Variants in INPP5F observed in about 807,000 individuals in gnomAD.
INPP5F encodes inositol polyphosphate-5-phosphatase F, also known as phosphatidylinositide 4-phosphatase SAC2.
A neutral mutation model predicts 137.2 loss-of-function variants in INPP5F; 97 were observed. That is an observed-to-expected ratio of 0.71 (90% CI 0.60 to 0.84). The LOEUF (loss-of-function observed/expected upper bound fraction) is 0.84, where lower values mean the gene tolerates loss of function less well. Ranked by LOEUF, INPP5F falls within the 40% of genes least tolerant of loss-of-function variation. The pLI is 0.00. For synonymous variants in INPP5F, 504 were observed against 476.9 expected (o/e 1.06, Z -0.74); for missense variants, 1,271 against 1,371.9 (o/e 0.93, Z 1.16).
chr10:119,818,347 G>A (rs1484464939), intron 15 of INPP5F, among the ~76,000 whole-genome samples: 1 of 152,266 alleles, frequency 6.6e-6, no homozygotes, highest in East Asian at 1.9e-4. Flanking sequence ...GCTTCCGTGC[G>A]CTCAGGTCGC....
chr10:119,747,429 T>G (rs1848568440), intron 1 of INPP5F, among the ~76,000 whole-genome samples: 1 of 152,174 alleles, frequency 6.6e-6, no homozygotes, highest in Non-Finnish European at 1.5e-5. Context: ...TTTACCATGT[T>G]GGCCAGGCTG....
intron 3 of INPP5F, among the ~76,000 whole-genome samples, chr10:119,786,577 G>T (rs1273784500): frequency 2.0e-5 from 3 of 152,148 alleles, no homozygotes; most frequent in Non-Finnish European, 4.4e-5. Context: ...TTGAGACAGG[G>T]TCTTGCTCTG....
At chr10:119,728,874 A>G (rs1847967126) in intron 1 of INPP5F, among the ~76,000 whole-genome samples, 1 of 152,104 alleles carries the variant, frequency 6.6e-6, no homozygotes. Flanking sequence ...GGACACTTCA[A>G]TTCTAACCCT....
At chr10:119,775,109 T>C (rs1164455065) in intron 2 of INPP5F, among the ~76,000 whole-genome samples, 1 of 152,070 alleles carries the variant, frequency 6.6e-6, no homozygotes, top group Non-Finnish European at 1.5e-5. Flanking sequence ...TGATGATAGG[T>C]GGTTGGAATT....
intron 3 of INPP5F, 29 bp downstream of exon 3, chr10:119,781,800 A>G (rs757167726): frequency 6.4e-7 from 1 of 1,550,846 alleles, no homozygotes. Flanking sequence ...AATTATATGG[A>G]AACCTGATAT....
At chr10:119,735,718 T>C (rs765786403) in intron 1 of INPP5F, among the ~76,000 whole-genome samples, 1 of 152,238 alleles carries the variant, frequency 6.6e-6, no homozygotes, top group Non-Finnish European at 1.5e-5. Context: ...TCTGTGTAGC[T>C]GTGTCATTTA....
At position 119,808,052 on chromosome 10, in the gene INPP5F, G is replaced by A. The variant is rs1161305892; in HGVS notation, c.1561G>A (p.Ala521Thr). Residue 521 changes from alanine to threonine, a missense_variant, in exon 13 of 20, where the codon GCT (alanine) becomes ACT (threonine). Physicochemically the swap from Ala to Thr is moderately conservative, Grantham distance 58. Coordinates refer to ENST00000650623, the MANE Select transcript of INPP5F (RefSeq NM_014937.4). The stretch of plus-strand genomic sequence containing the variant: ...TAGCAGACAGTATGCTGGGACAGCT[G>A]CTCTGAAGGTAAATACTTGCAGGAA... ...SISRQYAGTA[A>T]LKGDFTRTGE... The A allele has an allele frequency of 6.2e-7, 1 of 1,612,168 alleles. No individual in the cohort carries two copies. Among genetic ancestry groups the A allele is most frequent in the East Asian group, 2.2e-5 (1 of 44,850 alleles).
rs761054191 is a variant in INPP5F at position 119,826,654 on chromosome 10, ACAT to A, written c.2277_2279del (p.Ile760del). 2 of 1,588,904 alleles carry A rather than the reference ACAT, an allele frequency of 1.3e-6. No individual in the cohort carries two copies. Among genetic ancestry groups the A allele is most frequent in the South Asian group, 1.2e-5 (1 of 86,118 alleles). On this transcript the variant is annotated inframe_deletion, in exon 20 of 20. Coordinates refer to ENST00000650623, the MANE Select transcript of INPP5F (RefSeq NM_014937.4). ...AGGAAGAGCAGTAAACCTCACGAAG[ACAT>A]CATTGGTATCAGGTCTCAAAACCAA...
intron 1 of INPP5F, among the ~76,000 whole-genome samples, chr10:119,745,548 A>G (rs1048237484): frequency 1.3e-5 from 2 of 150,938 alleles, no homozygotes; most frequent in Non-Finnish European, 2.9e-5. Context: ...ATCTCTTACA[A>G]TGGACCTTCT....
At chr10:119,824,366 C>T (rs891711881) in intron 19 of INPP5F, among the ~76,000 whole-genome samples, 3 of 152,150 alleles carry the variant, frequency 2.0e-5, no homozygotes, top group African/African-American at 7.2e-5. Context: ...TCTTTCATAA[C>T]TTTGACATTT....
At chr10:119,743,470 G>C (rs1848434968) in intron 1 of INPP5F, among the ~76,000 whole-genome samples, 1 of 152,192 alleles carries the variant, frequency 6.6e-6, no homozygotes, top group Non-Finnish European at 1.5e-5. Context: ...GGGTTTAGGG[G>C]ATCCACACGA....
intron 14 of INPP5F, among the ~76,000 whole-genome samples, chr10:119,810,544 G>T (rs1233335777): frequency 1.3e-5 from 2 of 152,128 alleles, no homozygotes; most frequent in Non-Finnish European, 2.9e-5. Flanking sequence ...TATTCCGTTT[G>T]TTTTCTCATT....
At chr10:119,733,647 C>T (rs914434783) in intron 1 of INPP5F, among the ~76,000 whole-genome samples, 48 of 152,176 alleles carry the variant, frequency 3.2e-4, no homozygotes, top group Non-Finnish European at 1.5e-4. Flanking sequence ...GGTTCCTAGA[C>T]GCTTGTGTTT....
chr10:119,741,726 G>A (rs1385311340), intron 1 of INPP5F, among the ~76,000 whole-genome samples: 1 of 152,014 alleles, frequency 6.6e-6, no homozygotes, highest in Non-Finnish European at 1.5e-5. Flanking sequence ...GTAGAGACAG[G>A]GTTTCACCAT....
chr10:119,807,851 GT>G, intron 12 of INPP5F, 80 bp from the exon 13 acceptor site: 2 of 1,344,040 alleles, frequency 1.5e-6, no homozygotes. Flanking sequence ...ATATGAATAT[GT>G]TTCCTTTTTC....
intron 9 of INPP5F, among the ~76,000 whole-genome samples, chr10:119,803,707 T>G (rs551345724): frequency 8.5e-5 from 13 of 152,350 alleles, no homozygotes; most frequent in Admixed American, 8.5e-4. Context: ...TGGGGGAGAC[T>G]TGAAATCTTT....
At chr10:119,771,799 T>C (rs1849343574) in intron 2 of INPP5F, among the ~76,000 whole-genome samples, 1 of 144,088 alleles carries the variant, frequency 6.9e-6, no homozygotes, top group Admixed American at 7.0e-5. Context: ...TTGCTGAGCT[T>C]AATTATATTT....
chr10:119,753,023 A>T (rs570644952), intron 2 of INPP5F, among the ~76,000 whole-genome samples: 1 of 152,018 alleles, frequency 6.6e-6, no homozygotes, highest in East Asian at 1.9e-4. Context: ...TAGGTTTTTA[A>T]AAAAATTCTT....
At chr10:119,792,728 G>A (rs1850191750) in intron 6 of INPP5F, among the ~76,000 whole-genome samples, 1 of 152,080 alleles carries the variant, frequency 6.6e-6, no homozygotes, top group East Asian at 1.9e-4. Context: ...TTGGTTTGAT[G>A]ATTATTTTTT....
Sources: allele counts gnomAD v4.1 joint callset (sites outside exome capture counted in the v4.1 genomes callset), GRCh38; gene constraint gnomAD v4.1.1; transcripts MANE v1.5; gene names NCBI Gene and HGNC (gene_info 2026-07-23, HGNC 2026-07-21).